WDR25: variants seen among roughly 807,000 people sequenced by gnomAD.
WDR25 encodes the protein WD repeat domain 25.
A neutral mutation model predicts 47.7 loss-of-function variants in WDR25; 35 were observed. The observed-to-expected ratio is 0.73, with a 90% CI of 0.56 to 0.97. The LOEUF (loss-of-function observed/expected upper bound fraction) is 0.97, where lower values mean the gene tolerates loss of function less well. Ranked by LOEUF, WDR25 falls within the 50% of genes least tolerant of loss-of-function variation. WDR25 has a pLI of 0.00. For synonymous variants in WDR25, 248 were observed against 278.9 expected, an observed-to-expected ratio of 0.89 and a Z score of 1.10; for missense variants, 634 against 704.7, an observed-to-expected ratio of 0.90 and a Z score of 1.14.
chr14:100,510,067 T>G (rs1488347852), intron 4 of WDR25, among the ~76,000 whole-genome samples: 1 of 150,358 alleles, frequency 6.7e-6, no homozygotes, highest in Non-Finnish European at 1.5e-5. Flanking sequence ...GGTCAGGAGG[T>G]CGAGACCAGC....
intron 1 of WDR25, among the ~76,000 whole-genome samples, chr14:100,379,390 C>CTTTTTTTTTT (rs148841833): frequency 1.5e-5 from 2 of 135,446 alleles, no homozygotes; most frequent in Admixed American, 7.4e-5. Flanking sequence ...CTTTTTTTTT[C>CTTTTTTTTTT]TTTTTTTTTT....
Position 100,392,789 on chromosome 14 carries a change from A to G in WDR25, c.822+11043A>G, listed in dbSNP as rs1286799084. Reference sequence around the variant, plus strand: ...GCCCTTGGACACTTAGGTGGTTTCTAATTTTTGCTATTATATAGATAATGC... The same window carrying G: ...GCCCTTGGACACTTAGGTGGTTTCTGATTTTTGCTATTATATAGATAATGC... On this transcript the variant is annotated intron_variant, in intron 2 of 6. Coordinates refer to ENST00000402312, the MANE Select transcript of WDR25 (RefSeq NM_001161476.3). The surrounding 1 kb of genome is among the most constrained non-coding windows in gnomAD (Gnocchi z 4.2). Among the ~76,000 whole-genome samples, 1 of 152,094 alleles carries G rather than the reference A, an allele frequency of 6.6e-6. No homozygotes were observed. Among genetic ancestry groups the G allele is most frequent in the Non-Finnish European group, 1.5e-5 (1 of 68,018 alleles).
chr14:100,390,619 G>A (rs946372047), intron 2 of WDR25, among the ~76,000 whole-genome samples: 1 of 152,162 alleles, frequency 6.6e-6, no homozygotes, highest in Non-Finnish European at 1.5e-5. Flanking sequence ...CCAGCCTTCC[G>A]GCATCTGAGC....
intron 3 of WDR25, among the ~76,000 whole-genome samples, chr14:100,480,466 T>C (rs1900162726): frequency 1.3e-5 from 2 of 151,992 alleles, no homozygotes; most frequent in Admixed American, 6.5e-5. Flanking sequence ...TAGAAGATAC[T>C]AGAAAAAAAA....
In WDR25 at chr14:100,486,779, G is replaced by T. The variant is rs967591753; in HGVS notation, c.1101+2655G>T. Among the ~76,000 whole-genome samples, 4 of 152,212 alleles carry T rather than the reference G, an allele frequency of 2.6e-5. No homozygotes were observed. The East Asian group carries it at 7.7e-4, about 29-fold the overall frequency. On this transcript the variant is annotated intron_variant, in intron 4 of 6. Coordinates refer to ENST00000402312, the MANE Select transcript of WDR25 (RefSeq NM_001161476.3). Reference sequence around the variant, plus strand: ...CAGCTGCTTTCAGGGACCGCGGTGGGAATCGCAGGTGTAAGTAGGAGGGAC... The same window carrying T: ...CAGCTGCTTTCAGGGACCGCGGTGGTAATCGCAGGTGTAAGTAGGAGGGAC...
rs1485921807 is a variant in WDR25, at chr14:100,523,441, C to T, written c.1102-2429C>T. 6.6e-6 allele frequency among the ~76,000 whole-genome samples: 1 copy of T among 152,178 alleles called. No individual in the cohort carries two copies. The highest frequency in any genetic ancestry group is 1.5e-5 in the Non-Finnish European group (1 of 68,034). On this transcript the variant is annotated intron_variant, in intron 4 of 6. Transcript: ENST00000402312. This position sits in a 1 kb window ranked among gnomAD's most constrained non-coding sequence, Gnocchi z 4.7. The stretch of plus-strand genomic sequence containing the variant: ...GGGGTGAGGGATAGCTGGGTGCATC[C>T]GCCAGTCCTTCTTCTTTCTGAGGAC...
At chr14:100,379,388 T>A (rs1450813147) in intron 1 of WDR25, among the ~76,000 whole-genome samples, 1 of 147,608 alleles carries the variant, frequency 6.8e-6, no homozygotes, top group Admixed American at 6.7e-5. Flanking sequence ...TTCTTTTTTT[T>A]TCTTTTTTTT....
chr14:100,529,168 C>A lies in WDR25; in HGVS notation c.1373C>A (p.Pro458His), dbSNP rs1413799988. The change falls in exon 6 of 7, where the codon CCC (proline) becomes CAC (histidine). Residue 458 changes from proline to histidine, a missense_variant. Coordinates refer to ENST00000402312, the MANE Select transcript of WDR25 (RefSeq NM_001161476.3). The surrounding 1 kb of genome is among the most constrained non-coding windows in gnomAD (Gnocchi z 5.1). The stretch of plus-strand genomic sequence containing the variant: ...CTGGCCCTTTTCTCCACTGTGTGGC[C>A]CTACCGGATGAGCAGACGGCGGCGC... ...NYLALFSTVW[P>H]YRMSRRRRYE... is the part of the protein sequence containing the mutation. The A allele has an allele frequency of 6.2e-7, 1 of 1,612,524 alleles. No homozygotes were observed. The highest frequency in any genetic ancestry group is 2.2e-5 in the East Asian group (1 of 44,820).
intron 4 of WDR25, among the ~76,000 whole-genome samples, chr14:100,486,699 T>C (rs763007431): frequency 8.5e-5 from 13 of 152,238 alleles, no homozygotes; most frequent in South Asian, 2.1e-4. Context: ...CTGAACCTTC[T>C]GGCTCAGCCT....
chr14:100,448,025 C>T (rs1898894114), intron 2 of WDR25, among the ~76,000 whole-genome samples: 1 of 152,030 alleles, frequency 6.6e-6, no homozygotes, highest in South Asian at 2.1e-4. Flanking sequence ...GAAACCTTGT[C>T]TCTGCTGAAA....
In WDR25 at chr14:100,529,665, T is replaced by A. The variant is rs925303809; in HGVS notation, c.1414-155T>A. 1.6e-5 allele frequency: 13 copies of A among 817,804 alleles called. No individual in the cohort carries two copies. In the African/African-American group the frequency reaches 2.2e-4, roughly 14 times the overall value. 50.7% of individuals were successfully genotyped at this position (817,804 alleles called of 1,614,324 possible). A position where few individuals can be genotyped will look rare whatever the true frequency, so the allele number is the denominator to read the frequency against. ...CCCGCATCAGGGCTCTACAGCCTCATGGGCGGGACCTGGGCTTTGGCCTCA... is the reference window on the plus strand; with the variant it reads ...CCCGCATCAGGGCTCTACAGCCTCAAGGGCGGGACCTGGGCTTTGGCCTCA... On this transcript the variant is annotated intron_variant, in intron 6 of 6. Coordinates refer to ENST00000402312, the MANE Select transcript of WDR25 (RefSeq NM_001161476.3). The surrounding 1 kb of genome is among the most constrained non-coding windows in gnomAD (Gnocchi z 5.1).
chr14:100,485,377 G>A lies in WDR25; in HGVS notation c.1101+1253G>A, dbSNP rs943117542. ...TCCTCTAGAATGTAAGCTCTTTGAA[G>A]GCAGAGAGTTTTGTTTGCTGCTGAC... On this transcript the variant is annotated intron_variant, in intron 4 of 6. Coordinates refer to ENST00000402312, the MANE Select transcript of WDR25 (RefSeq NM_001161476.3). Among the ~76,000 whole-genome samples, 10 of 152,286 alleles carry A rather than the reference G, an allele frequency of 6.6e-5. No individual in the cohort carries two copies. In the South Asian group the frequency reaches 8.3e-4, roughly 13 times the overall value.
intron 2 of WDR25, among the ~76,000 whole-genome samples, chr14:100,466,672 G>A (rs542117550): frequency 1.3e-5 from 2 of 152,306 alleles, no homozygotes; most frequent in South Asian, 2.1e-4. Context: ...GCCAAGGCCC[G>A]AGGCCTGCCA....
chr14:100,386,849 C>T (rs974502255), intron 2 of WDR25, among the ~76,000 whole-genome samples: 1 of 151,894 alleles, frequency 6.6e-6, no homozygotes, highest in African/African-American at 2.4e-5. Context: ...GCCCAGATCG[C>T]ACCACTGCAC....
chr14:100,459,488 C>G (rs1899305355), intron 2 of WDR25, among the ~76,000 whole-genome samples: 1 of 152,092 alleles, frequency 6.6e-6, no homozygotes, highest in Non-Finnish European at 1.5e-5. Flanking sequence ...TACCCCAACT[C>G]CAAATTTATA....
At chr14:100,403,254 T>C (rs1207033657) in intron 2 of WDR25, among the ~76,000 whole-genome samples, 1 of 152,244 alleles carries the variant, frequency 6.6e-6, no homozygotes, top group African/African-American at 2.4e-5. Context: ...CACATCTGGC[T>C]CATCTCTGGA....
At chr14:100,439,644 A>G (rs1898608213) in intron 2 of WDR25, among the ~76,000 whole-genome samples, 1 of 152,170 alleles carries the variant, frequency 6.6e-6, no homozygotes, top group Non-Finnish European at 1.5e-5. Flanking sequence ...CCTGCTTGCC[A>G]TGTGGGGGTG....
intron 2 of WDR25, among the ~76,000 whole-genome samples, chr14:100,466,425 G>T (rs1899631072): frequency 1.3e-5 from 2 of 152,188 alleles, no homozygotes; most frequent in Non-Finnish European, 2.9e-5. Context: ...CCTGGGATCA[G>T]GTTGGTAGAA....
At chr14:100,501,639 G>C (rs1256656331) in intron 4 of WDR25, among the ~76,000 whole-genome samples, 3 of 152,198 alleles carry the variant, frequency 2.0e-5, no homozygotes, top group Non-Finnish European at 4.4e-5. Context: ...GTGGGGGAAA[G>C]AACCTAAAAT....
Sources: allele counts gnomAD v4.1 joint callset (sites outside exome capture counted in the v4.1 genomes callset), GRCh38; gene constraint gnomAD v4.1.1; non-coding constraint Gnocchi (gnomAD v3.1); transcripts MANE v1.5; gene names NCBI Gene and HGNC (gene_info 2026-07-23, HGNC 2026-07-21).